Variants in PIP4K2B observed in about 807,000 individuals in gnomAD.
The protein encoded by PIP4K2B is phosphatidylinositol-5-phosphate 4-kinase type 2 beta, also known as phosphatidylinositol 5-phosphate 4-kinase type-2 beta.
PIP4K2B carries 3 observed loss-of-function variants against 42.0 expected under a neutral mutation model. That is an observed-to-expected ratio of 0.07 (90% confidence interval 0.03 to 0.18). PIP4K2B has a LOEUF of 0.18. Ranked by LOEUF, PIP4K2B falls within the 10% of genes least tolerant of loss-of-function variation. The probability of loss-of-function intolerance (pLI) is 1.00; values close to 1 mark genes in which losing one functional copy is unlikely to be tolerated. For synonymous variants in PIP4K2B, 204 were observed against 210.1 expected, an observed-to-expected ratio of 0.97 and a Z score of 0.25; for missense variants, 332 against 562.3, an observed-to-expected ratio of 0.59 and a Z score of 4.14.
chr17:38,767,538 C>CACAA lies in PIP4K2B; in HGVS notation c.*2149_*2152dup, dbSNP rs1333559009. On this transcript the variant is annotated 3_prime_UTR_variant, in exon 10 of 10. Transcript: ENST00000619039. ...AAACACACAAACATACACACACACA[C>CACAA]ACAAACTCAATGTTAAACAAGTTAG... 1.3e-5 allele frequency: 2 copies of CACAA among 152,306 alleles called. No individual in the cohort carries two copies. Among genetic ancestry groups the CACAA allele is most frequent in the Admixed American group, 1.3e-4 (2 of 15,272 alleles). The allele number at this position is 152,306 out of a possible 1,614,324, so 9.4% of individuals were successfully genotyped here.
At chr17:38,780,101 C>T (rs1165735568) in intron 4 of PIP4K2B, among the ~76,000 whole-genome samples, 1 of 144,882 alleles carries the variant, frequency 6.9e-6, no homozygotes, top group Non-Finnish European at 1.5e-5. Context: ...CCACGGGGCT[C>T]CCTGCCTTCC....
chr17:38,794,468 A>C (rs1459294611), intron 1 of PIP4K2B, among the ~76,000 whole-genome samples: 1 of 149,928 alleles, frequency 6.7e-6, no homozygotes, highest in Non-Finnish European at 1.5e-5. Context: ...AGTACATCTT[A>C]TGTTAAATGT....
chr17:38,795,349 G>A (rs1404571644), intron 1 of PIP4K2B, among the ~76,000 whole-genome samples: 2 of 152,122 alleles, frequency 1.3e-5, no homozygotes, highest in Non-Finnish European at 2.9e-5. Flanking sequence ...GCTCATGCCT[G>A]CAATCCCAGT....
intron 3 of PIP4K2B, among the ~76,000 whole-genome samples, chr17:38,783,032 A>AG (rs1909794714): frequency 6.6e-6 from 1 of 151,746 alleles, no homozygotes; most frequent in Admixed American, 6.6e-5. Flanking sequence ...CTAAAAAAAA[A>AG]GAAATGCAAA....
intron 1 of PIP4K2B, among the ~76,000 whole-genome samples, chr17:38,795,876 T>A (rs528827580): frequency 6.6e-6 from 1 of 151,346 alleles, no homozygotes; most frequent in East Asian, 2.0e-4. Flanking sequence ...CGATGGCTCA[T>A]GCCTGTAATC....
chr17:38,781,521 T>C (rs748586411), intron 3 of PIP4K2B, among the ~76,000 whole-genome samples: 4 of 152,008 alleles, frequency 2.6e-5, no homozygotes, highest in Admixed American at 6.6e-5. Flanking sequence ...GAGGATCCTG[T>C]TATTATTTTT....
chr17:38,777,201 C>T (rs920197189), intron 7 of PIP4K2B, among the ~76,000 whole-genome samples: 1 of 152,150 alleles, frequency 6.6e-6, no homozygotes, highest in Non-Finnish European at 1.5e-5. Context: ...GTAGCTGGGA[C>T]TACAGGTGTG....
chr17:38,783,912 G>A (rs1909849959), intron 3 of PIP4K2B, among the ~76,000 whole-genome samples: 1 of 152,136 alleles, frequency 6.6e-6, no homozygotes, highest in African/African-American at 2.4e-5. Flanking sequence ...AGTTCTCTTT[G>A]AAGTCAAACT....
intron 1 of PIP4K2B, among the ~76,000 whole-genome samples, chr17:38,793,405 G>C (rs978408144): frequency 6.6e-6 from 1 of 151,246 alleles, no homozygotes; most frequent in South Asian, 2.1e-4. Flanking sequence ...CACCATGCCC[G>C]ACTAATTTTT....
chr17:38,779,838 T>C (rs754775842), intron 4 of PIP4K2B: 6 of 334,112 alleles, frequency 1.8e-5, no homozygotes, highest in Non-Finnish European at 3.3e-5. Context: ...CACAGGAAAA[T>C]CCCTGATCCA....
At chr17:38,769,909 A>G (rs938903277) in intron 9 of PIP4K2B, 138 bp from the exon 10 acceptor site, 2 of 732,090 alleles carry the variant, frequency 2.7e-6, no homozygotes, top group African/African-American at 1.7e-5. Flanking sequence ...ACCAAGACTG[A>G]GCAGACCACC....
chr17:38,785,329 C>T (rs7216739), intron 2 of PIP4K2B, among the ~76,000 whole-genome samples: 1,793 of 152,298 alleles, frequency 0.012, 29 homozygotes, highest in African/African-American at 0.041. Flanking sequence ...AGTGGCCTAT[C>T]TGCCTTATCT....
At chr17:38,798,024 A>G (rs1329464244) in intron 1 of PIP4K2B, among the ~76,000 whole-genome samples, 2 of 152,186 alleles carry the variant, frequency 1.3e-5, no homozygotes, top group African/African-American at 2.4e-5. Flanking sequence ...CCTAAATGAC[A>G]GGTCAAGATC....
At chr17:38,772,415 C>T (rs1909098114) in intron 7 of PIP4K2B, among the ~76,000 whole-genome samples, 1 of 152,188 alleles carries the variant, frequency 6.6e-6, no homozygotes, top group African/African-American at 2.4e-5. Context: ...ACTGTATGCA[C>T]TAACGTCCCA....
intron 3 of PIP4K2B, among the ~76,000 whole-genome samples, chr17:38,781,881 T>C (rs1909738641): frequency 6.9e-6 from 1 of 145,764 alleles, no homozygotes; most frequent in Non-Finnish European, 1.5e-5. Flanking sequence ...GGTGCGATCA[T>C]AGCTCACTGC....
intron 2 of PIP4K2B, among the ~76,000 whole-genome samples, chr17:38,785,024 G>A (rs894258761): frequency 6.6e-6 from 1 of 152,160 alleles, no homozygotes; most frequent in African/African-American, 2.4e-5. Flanking sequence ...CCCTGCCCTG[G>A]GCTTCCACTG....
intron 1 of PIP4K2B, among the ~76,000 whole-genome samples, chr17:38,791,935 T>C (rs940469025): frequency 1.3e-5 from 2 of 149,830 alleles, no homozygotes; most frequent in Non-Finnish European, 3.0e-5. Flanking sequence ...TAAAAAAAAA[T>C]ACAAAAAAAA....
chr17:38,779,507 T>C lies in PIP4K2B; in HGVS notation c.530A>G (p.Asn177Ser), dbSNP rs1179190490. 1.9e-6 allele frequency: 3 copies of C among 1,614,000 alleles called. No homozygotes were observed. In the South Asian group the frequency reaches 3.3e-5, roughly 18 times the overall value. Residue 177 changes from asparagine to serine, a missense_variant, in exon 5 of 10, where the codon AAC (asparagine) becomes AGC (serine). Asn to Ser is a conservative substitution (Grantham distance 46). Coordinates refer to ENST00000619039, the MANE Select transcript of PIP4K2B (RefSeq NM_003559.5). Reference protein sequence around the residue: ...YHQFIVECHGNTLLPQFLGMY... With the variant: ...YHQFIVECHGSTLLPQFLGMY... ...GCCCAGGAACTGTGGCAAAAGCGTG[T>C]TGCCATGACACTCCACTATAAACTA...
chr17:38,790,722 G>A (rs1910300618), intron 1 of PIP4K2B, among the ~76,000 whole-genome samples: 1 of 152,266 alleles, frequency 6.6e-6, no homozygotes, highest in Non-Finnish European at 1.5e-5. Flanking sequence ...CTCCCAAAAT[G>A]CTGGGATTAC....
Sources: allele counts gnomAD v4.1 joint callset (sites outside exome capture counted in the v4.1 genomes callset), GRCh38; gene constraint gnomAD v4.1.1; transcripts MANE v1.5; gene names NCBI Gene and HGNC (gene_info 2026-07-23, HGNC 2026-07-21).